Variants in PCDHGA1 observed in about 807,000 individuals in gnomAD.
PCDHGA1 encodes the protein protocadherin gamma-A1.
Under a neutral mutation model 58.0 loss-of-function variants are expected in PCDHGA1, and 32 were observed. The observed-to-expected ratio is 0.55, with a 90% CI of 0.42 to 0.74. The LOEUF (loss-of-function observed/expected upper bound fraction) is 0.74, where lower values mean the gene tolerates loss of function less well. Among genes scored for constraint, PCDHGA1 ranks in the 30% least tolerant of loss-of-function variants. PCDHGA1 has a pLI of 0.00. For missense variants in PCDHGA1, 1,205 were observed against 1,182.3 expected (o/e 1.02, Z -0.28); for synonymous variants, 498 against 501.1 (o/e 0.99, Z 0.08).
chr5:141,365,757 C>A lies in PCDHGA1; in HGVS notation c.2421+32652C>A, dbSNP rs1331087585. The A allele has an allele frequency of 1.9e-6, 3 of 1,613,830 alleles. No individual in the cohort carries two copies. The East Asian group carries it at 6.7e-5, about 36-fold the overall frequency. ...GGTGTCTCTATCTTCTCTGTGACAG[C>A]CCATGACCCCGACAGCGGCGACAAC... On this transcript the variant is annotated intron_variant, in intron 1 of 3. Transcript: ENST00000517417.
At chr5:141,354,470 G>A (rs1446177530) in intron 1 of PCDHGA1, among the ~76,000 whole-genome samples, 1 of 152,216 alleles carries the variant, frequency 6.6e-6, no homozygotes, top group Non-Finnish European at 1.5e-5. Flanking sequence ...CATTTGTACA[G>A]GGTAAGGCTA....
chr5:141,418,058 C>A (rs2096216434), intron 1 of PCDHGA1: 1 of 1,613,872 alleles, frequency 6.2e-7, no homozygotes, highest in Non-Finnish European at 8.5e-7. Flanking sequence ...TCGCGAGCTG[C>A]GAGTGAGCGC....
intron 1 of PCDHGA1, chr5:141,392,879 G>T: frequency 1.2e-6 from 2 of 1,613,512 alleles, no homozygotes; most frequent in East Asian, 2.2e-5. Flanking sequence ...TGCTGGGAAC[G>T]CTGTGGGAAA....
intron 1 of PCDHGA1, chr5:141,398,830 G>A: frequency 6.2e-7 from 1 of 1,613,946 alleles, no homozygotes; most frequent in Non-Finnish European, 8.5e-7. Flanking sequence ...GGTAACCGAC[G>A]CCAATGATAA....
intron 1 of PCDHGA1, chr5:141,393,707 T>G (rs1296711922): frequency 6.2e-7 from 1 of 1,613,882 alleles, no homozygotes; most frequent in East Asian, 2.2e-5. Flanking sequence ...ATGAAAATAC[T>G]GGGGAAATAT....
At chr5:141,509,625 G>T (rs915049847) in intron 3 of PCDHGA1, among the ~76,000 whole-genome samples, 1 of 152,186 alleles carries the variant, frequency 6.6e-6, no homozygotes, top group Non-Finnish European at 1.5e-5. Flanking sequence ...AAGTTCCTGG[G>T]TGATGCTGAG....
rs775299266 is a variant in PCDHGA1, at chr5:141,432,192, AC to A, written c.2422-62611del. On this transcript the variant is annotated intron_variant, in intron 1 of 3. Transcript: ENST00000517417. The surrounding 1 kb of genome is among the most constrained non-coding windows in gnomAD (Gnocchi z 6.0). ...TCCCTCGTCTCTGTGACCGCCCACG[AC>A]CCCGACTGTGAAGAGAACGCCCAGA... 5 of 1,613,812 alleles carry A rather than the reference AC, an allele frequency of 3.1e-6. No individual in the cohort carries two copies. Among genetic ancestry groups the A allele is most frequent in the Non-Finnish European group, 4.2e-6 (5 of 1,179,996 alleles).
At chr5:141,365,446 T>A in intron 1 of PCDHGA1, 1 of 1,614,030 alleles carries the variant, frequency 6.2e-7, no homozygotes, top group Non-Finnish European at 8.5e-7. Context: ...TTAGCGTACA[T>A]GATGGTGATT....
intron 1 of PCDHGA1, chr5:141,361,554 A>G (rs199916536): frequency 2.8e-5 from 45 of 1,613,944 alleles, no homozygotes; most frequent in East Asian, 8.9e-5. Context: ...CTATCGCTCA[A>G]ATCAGTGCCT....
chr5:141,346,554 G>T, intron 1 of PCDHGA1: 1 of 1,507,300 alleles, frequency 6.6e-7, no homozygotes, highest in Non-Finnish European at 9.0e-7. Context: ...AAAGCCATGA[G>T]GTTGTCATTA....
chr5:141,375,639 C>T (rs1364618927), intron 1 of PCDHGA1: 2 of 1,614,126 alleles, frequency 1.2e-6, no homozygotes, highest in Non-Finnish European at 1.7e-6. Flanking sequence ...GCCCTGCGCT[C>T]CTTCGACTAT....
chr5:141,413,723 C>G, intron 1 of PCDHGA1: 1 of 1,613,552 alleles, frequency 6.2e-7, no homozygotes, highest in Non-Finnish European at 8.5e-7. Context: ...AAGCACTTCT[C>G]CCTAAGAGTT....
At chr5:141,383,471 A>G in intron 1 of PCDHGA1, 1 of 1,613,632 alleles carries the variant, frequency 6.2e-7, no homozygotes, top group South Asian at 1.1e-5. Flanking sequence ...GAAACTAAGT[A>G]CCCGGAACTG....
At position 141,331,963 on chromosome 5, in the gene PCDHGA1, C is replaced by A. The variant is rs373507218; in HGVS notation, c.1279C>A (p.Gln427Lys). 4 of 1,614,074 alleles carry A rather than the reference C, an allele frequency of 2.5e-6. No homozygotes were observed. Among genetic ancestry groups the A allele is most frequent in the Non-Finnish European group, 3.4e-6 (4 of 1,180,012 alleles). The change falls in exon 1 of 4, where the codon CAA becomes AAA. Residue 427 changes from glutamine (Q) to lysine (K), a missense_variant. By Grantham distance (53) the Gln-to-Lys change is moderately conservative. Transcript: ENST00000517417. ...GYNITITAID[Q>K]GTPALSTETH... ...CAACATCACAATAACAGCAATAGAC[C>A]AAGGAACTCCAGCTCTATCTACTGA... is the stretch of plus-strand genomic sequence containing the variant.
chr5:141,345,143 C>T (rs774990344), intron 1 of PCDHGA1: 34 of 1,613,872 alleles, frequency 2.1e-5, no homozygotes, highest in Non-Finnish European at 2.5e-5. Flanking sequence ...CTCTTATCGA[C>T]GTGCATGACC....
intron 1 of PCDHGA1, among the ~76,000 whole-genome samples, chr5:141,471,768 T>A (rs1203999329): frequency 6.6e-6 from 1 of 152,174 alleles, no homozygotes; most frequent in Non-Finnish European, 1.5e-5. Context: ...GGTCAAAAGA[T>A]GAGTTTGACA....
intron 1 of PCDHGA1, chr5:141,342,511 G>A (rs1444685498): frequency 6.6e-6 from 1 of 152,128 alleles, no homozygotes; most frequent in Admixed American, 6.5e-5. Flanking sequence ...ATTTCTCAAA[G>A]TGCTGTGATT....
chr5:141,422,556 G>T, intron 1 of PCDHGA1: 1 of 1,613,908 alleles, frequency 6.2e-7, no homozygotes, highest in South Asian at 1.1e-5. Context: ...GGCTGAATGT[G>T]GCAGATGACA....
intron 1 of PCDHGA1, chr5:141,393,568 T>G (rs549396721): frequency 1.2e-6 from 2 of 1,613,904 alleles, no homozygotes; most frequent in African/African-American, 2.7e-5. Context: ...GTGAAAGTCC[T>G]TGAGAACATG....
Sources: gnomAD v4.1 joint callset for allele counts (sites outside exome capture counted in the v4.1 genomes callset) on GRCh38, gnomAD v4.1.1 for gene constraint, Gnocchi (gnomAD v3.1) non-coding constraint, MANE v1.5 for transcripts, NCBI Gene and HGNC (gene_info 2026-07-23, HGNC 2026-07-21) for gene names.